Variants in SHISA9 observed in about 807,000 individuals in gnomAD.
SHISA9 encodes the protein protein shisa-9.
In SHISA9, 13 loss-of-function variants were observed where a neutral mutation model predicts 38.0. That is an observed-to-expected ratio of 0.34 (90% confidence interval 0.22 to 0.54). The LOEUF (loss-of-function observed/expected upper bound fraction) is 0.54, where lower values mean the gene tolerates loss of function less well. SHISA9 is among the 20% of genes least tolerant of loss of function. The pLI, the probability that SHISA9 is intolerant of heterozygous loss-of-function variation, is 0.91. For synonymous variants in SHISA9, 275 were observed against 242.0 expected (o/e 1.14, Z -1.27); for missense variants, 538 against 575.8 (o/e 0.93, Z 0.67).
intron 2 of SHISA9, among the ~76,000 whole-genome samples, chr16:12,921,477 T>G (rs1326531690): frequency 1.3e-5 from 2 of 152,140 alleles, no homozygotes; most frequent in African/African-American, 4.8e-5. Flanking sequence ...TTTAACATAT[T>G]TGGGAGATTG....
the SHISA9 span, among the ~76,000 whole-genome samples, chr16:13,294,756 A>C: frequency 6.6e-6 from 1 of 152,202 alleles, no homozygotes. Context: ...ATACTTACAG[A>C]GTTCAGGCAG....
chr16:13,040,612 A>G (rs1409036362), intron 2 of SHISA9, among the ~76,000 whole-genome samples: 1 of 152,220 alleles, frequency 6.6e-6, no homozygotes, highest in Non-Finnish European at 1.5e-5. Flanking sequence ...TCAAGAGAGC[A>G]GGGATCTCAT....
At chr16:13,375,266 T>C in the SHISA9 span, among the ~76,000 whole-genome samples, 1 of 152,208 alleles carries the variant, frequency 6.6e-6, no homozygotes, top group Admixed American at 6.5e-5. Context: ...TCCTGAATGG[T>C]ATTGCCTAGG....
intron 2 of SHISA9, among the ~76,000 whole-genome samples, chr16:13,152,407 G>T (rs2050507376): frequency 6.6e-6 from 1 of 152,114 alleles, no homozygotes; most frequent in South Asian, 2.1e-4. Flanking sequence ...AACTAACTTT[G>T]GATGACTTAA....
the SHISA9 span, among the ~76,000 whole-genome samples, chr16:13,413,524 G>A: frequency 1.1e-4 from 17 of 152,192 alleles, no homozygotes; most frequent in Non-Finnish European, 1.9e-4. Context: ...GGGAGGCCGA[G>A]GTGGGCAGAT....
At chr16:13,179,543 C>T (rs891774857) in intron 2 of SHISA9, among the ~76,000 whole-genome samples, 1 of 152,154 alleles carries the variant, frequency 6.6e-6, no homozygotes, top group African/African-American at 2.4e-5. Context: ...GGACTCACAC[C>T]TAAGAAAATC....
chr16:12,983,797 T>C (rs2072272074), intron 2 of SHISA9, among the ~76,000 whole-genome samples: 1 of 152,094 alleles, frequency 6.6e-6, no homozygotes, highest in African/African-American at 2.4e-5. Flanking sequence ...CCAGTTTTGG[T>C]TTTTAACTGC....
intron 2 of SHISA9, among the ~76,000 whole-genome samples, chr16:13,163,508 G>A (rs1322833118): frequency 6.6e-6 from 1 of 151,950 alleles, no homozygotes; most frequent in African/African-American, 2.4e-5. Context: ...TATATAATGT[G>A]TCCTTTTTTC....
rs565878694 is a variant in SHISA9, at chr16:13,038,893, T to C, written c.691+122078T>C. Among the ~76,000 whole-genome samples, 251 of 152,298 alleles carry C rather than the reference T, an allele frequency of 1.6e-3. 1 individual carries two copies. Among genetic ancestry groups the C allele is most frequent in the Middle Eastern group, 0.014 (4 of 294 alleles). ...TCAGTACCTGTCTCTGTTTCTTTAT[T>C]TAATACTAAAGAATTCCCAATATTA... is the stretch of plus-strand genomic sequence containing the variant. On this transcript the variant is annotated intron_variant, in intron 2 of 4. Transcript: ENST00000558583.
intron 1 of SHISA9, among the ~76,000 whole-genome samples, chr16:12,911,987 G>A (rs866421028): frequency 6.6e-6 from 1 of 152,182 alleles, no homozygotes; most frequent in African/African-American, 2.4e-5. Context: ...CCCTTTGGGG[G>A]CACATATAAT....
the SHISA9 span, among the ~76,000 whole-genome samples, chr16:13,366,937 C>T: frequency 6.8e-6 from 1 of 146,282 alleles, no homozygotes; most frequent in South Asian, 2.2e-4. Context: ...GAGCTGAGAT[C>T]TCGCCACTGC....
At chr16:13,197,910 C>G (rs767578711) in intron 2 of SHISA9, among the ~76,000 whole-genome samples, 1 of 152,108 alleles carries the variant, frequency 6.6e-6, no homozygotes, top group Non-Finnish European at 1.5e-5. Flanking sequence ...GCGGGCCGGG[C>G]GAGGTGGCTC....
chr16:12,908,550 G>A, intron 1 of SHISA9: 1 of 1,551,882 alleles, frequency 6.4e-7, no homozygotes, highest in South Asian at 1.2e-5. Context: ...CCTGGAGAGT[G>A]GAGTGTCGGA....
the SHISA9 span, among the ~76,000 whole-genome samples, chr16:13,352,870 G>T: frequency 1.3e-5 from 2 of 151,734 alleles, no homozygotes; most frequent in African/African-American, 4.9e-5. Context: ...AATGTCATCA[G>T]TTAAGGCAAG....
chr16:13,301,373 C>G, the SHISA9 span, among the ~76,000 whole-genome samples: 3 of 152,110 alleles, frequency 2.0e-5, no homozygotes, highest in East Asian at 1.9e-4. Context: ...GAATGAGGCA[C>G]GAGATTCTGC....
intron 2 of SHISA9, among the ~76,000 whole-genome samples, chr16:12,956,885 T>A (rs2071842938): frequency 6.6e-6 from 1 of 152,216 alleles, no homozygotes; most frequent in African/African-American, 2.4e-5. Flanking sequence ...TTGTGCATTA[T>A]TTTTCAGTTT....
At chr16:13,558,894 A>G in the SHISA9 span, among the ~76,000 whole-genome samples, 1 of 152,242 alleles carries the variant, frequency 6.6e-6, no homozygotes, top group African/African-American at 2.4e-5. Flanking sequence ...GGCTCTGCAC[A>G]TTTCTGTGAA....
At chr16:12,977,953 C>T (rs781412328) in intron 2 of SHISA9, among the ~76,000 whole-genome samples, 23 of 151,612 alleles carry the variant, frequency 1.5e-4, no homozygotes, top group Non-Finnish European at 2.8e-4. Flanking sequence ...CTGCACATCC[C>T]GCACATGTAC....
intron 4 of SHISA9, among the ~76,000 whole-genome samples, chr16:13,232,659 A>G (rs153084): frequency 0.86 from 130,462 of 152,164 alleles, 56,281 homozygotes; most frequent in African/African-American, 0.94. Context: ...GAAATACATA[A>G]GTTTGGTCCA....
Sources: allele counts gnomAD v4.1 joint callset (sites outside exome capture counted in the v4.1 genomes callset), GRCh38; gene constraint gnomAD v4.1.1; transcripts MANE v1.5; gene names NCBI Gene and HGNC (gene_info 2026-07-23, HGNC 2026-07-21).